SERGEF: variants seen among roughly 807,000 people sequenced by gnomAD.
The protein encoded by SERGEF is secretion-regulating guanine nucleotide exchange factor.
Under a neutral mutation model 50.0 loss-of-function variants are expected in SERGEF, and 51 were observed. That is an observed-to-expected ratio of 1.02 (90% confidence interval 0.81 to 1.29). SERGEF has a LOEUF of 1.29. Among genes scored for constraint, SERGEF ranks in the 50% most tolerant of loss-of-function variants. The probability of loss-of-function intolerance (pLI) is 0.00; values close to 1 mark genes in which losing one functional copy is unlikely to be tolerated. For missense variants in SERGEF, 521 were observed against 557.0 expected (o/e 0.94, Z 0.65); for synonymous variants, 205 against 212.4 (o/e 0.97, Z 0.30).
At chr11:17,917,681 C>T (rs1428507527) in intron 9 of SERGEF, among the ~76,000 whole-genome samples, 1 of 152,166 alleles carries the variant, frequency 6.6e-6, no homozygotes, top group Non-Finnish European at 1.5e-5. Flanking sequence ...GCAAGCTTTC[C>T]AGGTGATTCA....
At chr11:17,922,490 A>G (rs1852177936) in intron 9 of SERGEF, among the ~76,000 whole-genome samples, 1 of 152,228 alleles carries the variant, frequency 6.6e-6, no homozygotes, top group African/African-American at 2.4e-5. Context: ...TTTTTTTCTA[A>G]GTATTATAAC....
chr11:17,956,469 C>T (rs1235176993), intron 9 of SERGEF, among the ~76,000 whole-genome samples: 1 of 152,200 alleles, frequency 6.6e-6, no homozygotes, highest in African/African-American at 2.4e-5. Context: ...ATTGTAACAC[C>T]TGCACACAGG....
intron 10 of SERGEF, among the ~76,000 whole-genome samples, chr11:17,799,788 C>T (rs1590120589): frequency 6.6e-6 from 1 of 152,354 alleles, no homozygotes; most frequent in East Asian, 1.9e-4. Context: ...GTTCCAATCA[C>T]TGAATAAATA....
chr11:17,895,447 C>T (rs1451632468), intron 9 of SERGEF, among the ~76,000 whole-genome samples: 3 of 152,154 alleles, frequency 2.0e-5, no homozygotes, highest in Non-Finnish European at 4.4e-5. Context: ...AGGCACAGCC[C>T]GACAAGTCAG....
chr11:18,010,253 C>T, intron 1 of SERGEF: 1 of 359,198 alleles, frequency 2.8e-6, no homozygotes, highest in Non-Finnish European at 4.8e-6. Context: ...TCCTGGGCTG[C>T]AAGGACTCAA....
chr11:17,833,321 C>T (rs906488180), intron 10 of SERGEF, among the ~76,000 whole-genome samples: 3 of 152,158 alleles, frequency 2.0e-5, no homozygotes, highest in African/African-American at 4.8e-5. Flanking sequence ...TGCAAGTGCA[C>T]AGAAGTCAAG....
intron 9 of SERGEF, among the ~76,000 whole-genome samples, chr11:17,908,400 TCA>T (rs1157444519): frequency 1.3e-5 from 2 of 152,102 alleles, no homozygotes; most frequent in Non-Finnish European, 2.9e-5. Context: ...CCATCATCAC[TCA>T]CTCACTCTAA....
At chr11:17,979,754 T>C (rs1853455053) in intron 8 of SERGEF, among the ~76,000 whole-genome samples, 1 of 152,164 alleles carries the variant, frequency 6.6e-6, no homozygotes, top group Non-Finnish European at 1.5e-5. Flanking sequence ...TGACTTTAAC[T>C]AGGTCGCTTG....
chr11:17,796,747 G>C (rs1277943138), intron 10 of SERGEF, among the ~76,000 whole-genome samples: 1 of 152,198 alleles, frequency 6.6e-6, no homozygotes, highest in African/African-American at 2.4e-5. Flanking sequence ...CCAGGGCCAA[G>C]GATACCCTCG....
intron 10 of SERGEF, among the ~76,000 whole-genome samples, chr11:17,833,062 G>C (rs1391955305): frequency 6.6e-6 from 1 of 152,216 alleles, no homozygotes; most frequent in Non-Finnish European, 1.5e-5. Context: ...GGAGCCAAAT[G>C]TTAATCCCCA....
chr11:17,921,946 T>C (rs1852164488), intron 9 of SERGEF, among the ~76,000 whole-genome samples: 1 of 152,176 alleles, frequency 6.6e-6, no homozygotes, highest in African/African-American at 2.4e-5. Flanking sequence ...CAATGGGAAG[T>C]GGCTGAGCTT....
At chr11:17,985,615 C>T (rs1021342906) in intron 8 of SERGEF, among the ~76,000 whole-genome samples, 15 of 152,180 alleles carry the variant, frequency 9.9e-5, no homozygotes, top group Non-Finnish European at 1.8e-4. Context: ...CACAGGTACC[C>T]TTGCCAACTC....
chr11:17,994,290 C>G (rs750223311), intron 6 of SERGEF, among the ~76,000 whole-genome samples: 1 of 151,764 alleles, frequency 6.6e-6, no homozygotes, highest in Non-Finnish European at 1.5e-5. Flanking sequence ...CTGGTTAACA[C>G]GGTGAAAACC....
At chr11:17,990,237 G>A (rs184030738) in intron 7 of SERGEF, among the ~76,000 whole-genome samples, 11 of 152,290 alleles carry the variant, frequency 7.2e-5, no homozygotes, top group South Asian at 2.1e-4. Flanking sequence ...TCTGTTACCC[G>A]ATCACTGTTT....
intron 10 of SERGEF, among the ~76,000 whole-genome samples, chr11:17,849,450 G>C (rs1023111338): frequency 2.0e-5 from 3 of 152,148 alleles, no homozygotes; most frequent in Non-Finnish European, 2.9e-5. Flanking sequence ...GCTGCCTCCA[G>C]CTTCTGTTAT....
In SERGEF at chr11:17,878,247, G is replaced by C; in HGVS notation, c.1012-3C>G. The C allele has an allele frequency of 6.6e-7, 1 of 1,505,760 alleles. No homozygotes were observed. The allele number at this position is 1,505,760 out of a possible 1,614,324, so 93.3% of individuals were successfully genotyped here. On this transcript the variant is annotated splice_polypyrimidine_tract_variant and splice_region_variant and intron_variant, in intron 9 of 10. Coordinates refer to ENST00000265965, the MANE Select transcript of SERGEF (RefSeq NM_012139.4). ...TTATGCTCTGAGCCACAAGAGACCT[G>C]TAAAAAAAAAAAAAGACAAAGAAAA...
At chr11:17,957,884 T>C (rs1055196842) in intron 9 of SERGEF, among the ~76,000 whole-genome samples, 9 of 152,150 alleles carry the variant, frequency 5.9e-5, no homozygotes, top group Admixed American at 5.9e-4. Context: ...ACAAAGCATC[T>C]GTGATAAAAT....
intron 8 of SERGEF, among the ~76,000 whole-genome samples, chr11:17,980,244 G>C (rs1853468607): frequency 6.6e-6 from 1 of 152,186 alleles, no homozygotes. Flanking sequence ...CTGAGGCTCA[G>C]GGATATTCAG....
chr11:17,985,717 C>A (rs1853580941), intron 8 of SERGEF, among the ~76,000 whole-genome samples: 1 of 152,192 alleles, frequency 6.6e-6, no homozygotes, highest in Non-Finnish European at 1.5e-5. Flanking sequence ...TGCAGGCAGG[C>A]ATCAGACAGA....
Sources: allele counts gnomAD v4.1 joint callset (sites outside exome capture counted in the v4.1 genomes callset), GRCh38; gene constraint gnomAD v4.1.1; transcripts MANE v1.5; gene names NCBI Gene and HGNC (gene_info 2026-07-23, HGNC 2026-07-21).